AMOTL1: variants seen among roughly 807,000 people sequenced by gnomAD.
The protein encoded by AMOTL1 is angiomotin like 1.
In AMOTL1, 45 loss-of-function variants were observed where a neutral mutation model predicts 102.9. That is an observed-to-expected ratio of 0.44 (90% confidence interval 0.34 to 0.56). The LOEUF (loss-of-function observed/expected upper bound fraction) is 0.56. Among genes scored for constraint, AMOTL1 ranks in the 20% least tolerant of loss-of-function variants. The pLI, the probability that AMOTL1 is intolerant of heterozygous loss-of-function variation, is 0.01. For missense variants in AMOTL1, 1,114 were observed against 1,225.6 expected (o/e 0.91, Z 1.36); for synonymous variants, 481 against 484.7 (o/e 0.99, Z 0.10).
intron 3 of AMOTL1, among the ~76,000 whole-genome samples, chr11:94,756,092 G>A (rs928369865): frequency 2.0e-5 from 3 of 150,562 alleles, no homozygotes; most frequent in Non-Finnish European, 3.0e-5. Flanking sequence ...ACTCTCCTCT[G>A]ACTGCCCCCA....
intron 3 of AMOTL1, among the ~76,000 whole-genome samples, chr11:94,746,210 G>A (rs1057335274): frequency 3.3e-5 from 5 of 152,156 alleles, no homozygotes; most frequent in African/African-American, 4.8e-5. Context: ...TGTCATGATG[G>A]AGTGTCAAGA....
chr11:94,799,628 A>G lies in AMOTL1; in HGVS notation c.438A>G (p.Gln146=). The G allele has an allele frequency of 6.2e-7, 1 of 1,613,990 alleles. No individual in the cohort carries two copies. Among genetic ancestry groups the G allele is most frequent in the Non-Finnish European group, 8.5e-7 (1 of 1,179,886 alleles). Residue 146 remains glutamine (Q), a synonymous_variant, in exon 3 of 13, where the codon CAA becomes CAG. Transcript: ENST00000433060. The surrounding 1 kb of genome is among the most constrained non-coding windows in gnomAD (Gnocchi z 4.5). ...TTTCTTCCACGGAAAACCTCACTCA[A>G]GAAGACCCACAAATGGTCTACCAGT... ...NNFSSTENLT[Q]EDPQMVYQSA...
chr11:94,804,735 A>G (rs1168636429), intron 3 of AMOTL1, among the ~76,000 whole-genome samples: 1 of 152,208 alleles, frequency 6.6e-6, no homozygotes, highest in Non-Finnish European at 1.5e-5. Flanking sequence ...ATATATTATA[A>G]TGGACTCAGC....
upstream of AMOTL1, among the ~76,000 whole-genome samples, chr11:94,767,433 A>C (rs1476693818): frequency 6.6e-6 from 1 of 152,130 alleles, no homozygotes; most frequent in African/African-American, 2.4e-5. Flanking sequence ...TCCAGGGAGG[A>C]GTCCCTGAAG....
intron 10 of AMOTL1, 44 bp from the exon 11 acceptor site, chr11:94,865,898 A>G: frequency 1.3e-6 from 2 of 1,548,828 alleles, no homozygotes; most frequent in Non-Finnish European, 1.8e-6. Context: ...AAGTTTTTCT[A>G]GCCAAGTGGC....
At chr11:94,743,763 A>G (rs1261940348) in intron 3 of AMOTL1, among the ~76,000 whole-genome samples, 1 of 139,472 alleles carries the variant, frequency 7.2e-6, no homozygotes, top group African/African-American at 2.7e-5. Flanking sequence ...GGTTCAACCT[A>G]TTCTCCTGCC....
chr11:94,716,117 TC>T (rs1950092035), intron 1 of AMOTL1, among the ~76,000 whole-genome samples: 1 of 152,164 alleles, frequency 6.6e-6, no homozygotes, highest in African/African-American at 2.4e-5. Flanking sequence ...TTCTGTCTTA[TC>T]ATCATCACTC....
intron 4 of AMOTL1, among the ~76,000 whole-genome samples, chr11:94,822,642 G>T (rs1951887579): frequency 6.6e-6 from 1 of 152,178 alleles, no homozygotes; most frequent in African/African-American, 2.4e-5. Flanking sequence ...GGGAGATGCT[G>T]AGTAATTCCA....
chr11:94,776,083 C>CA (rs2135524517), intron 1 of AMOTL1, among the ~76,000 whole-genome samples: 1 of 152,324 alleles, frequency 6.6e-6, no homozygotes, highest in Admixed American at 6.5e-5. Context: ...AGAGGACCAT[C>CA]AAAGGTCATC....
intron 6 of AMOTL1, among the ~76,000 whole-genome samples, chr11:94,840,681 T>TATAC (rs1166713705): frequency 4.4e-4 from 46 of 104,784 alleles, no homozygotes; most frequent in African/African-American, 8.9e-4. Flanking sequence ...TATATATATA[T>TATAC]ACACACACAC....
chr11:94,752,721 G>C (rs1415752643), intron 3 of AMOTL1, among the ~76,000 whole-genome samples: 1 of 152,172 alleles, frequency 6.6e-6, no homozygotes, highest in Non-Finnish European at 1.5e-5. Flanking sequence ...ACTGCTTTCA[G>C]GTTGCTGTCT....
rs149536640 is a variant in AMOTL1 at position 94,719,492 on chromosome 11, C to G, written c.-50-9429C>G. On this transcript the variant is annotated intron_variant, in intron 1 of 4. Coordinates refer to the AMOTL1 transcript ENST00000299004. ...CATGTTACAAAATTAGACTTGTGCC[C>G]CATAGATTTATACAAAAAGAAATTC... is the stretch of plus-strand genomic sequence containing the variant. Among the ~76,000 whole-genome samples, 438 of 151,658 alleles carry G rather than the reference C, an allele frequency of 2.9e-3. 1 individual carries two copies. The highest frequency in any genetic ancestry group is 0.01 in the African/African-American group (421 of 41,372).
intron 3 of AMOTL1, among the ~76,000 whole-genome samples, chr11:94,815,518 TATC>T (rs1951750359): frequency 6.6e-6 from 1 of 152,128 alleles, no homozygotes; most frequent in South Asian, 2.1e-4. Context: ...TAAATAAACT[TATC>T]ATATAATTTA....
chr11:94,768,630 C>G (rs749174069), intron 1 of AMOTL1, 70 bp downstream of exon 1: 1 of 1,547,702 alleles, frequency 6.5e-7, no homozygotes, highest in Non-Finnish European at 8.7e-7. Flanking sequence ...CCAGTCGCCC[C>G]GGGCTCCCCG....
chr11:94,842,452 A>C (rs775830959), intron 6 of AMOTL1, among the ~76,000 whole-genome samples: 7 of 152,230 alleles, frequency 4.6e-5, no homozygotes, highest in Non-Finnish European at 8.8e-5. Context: ...TATAGCCTTT[A>C]GGGTGGGCCT....
chr11:94,864,861 G>C lies in AMOTL1; in HGVS notation c.2261+1G>C. ...GAAGGTGTCAGGACATGGAATACAC[G>C]TAAGGGACGACTATGTGTGACGTGT... On this transcript the variant is annotated splice_donor_variant, in intron 10 of 12. Transcript: ENST00000433060. LOFTEE classifies it high-confidence loss of function. 3.7e-6 allele frequency: 6 copies of C among 1,612,742 alleles called. No homozygotes were observed. Among genetic ancestry groups the C allele is most frequent in the Non-Finnish European group, 5.1e-6 (6 of 1,179,152 alleles).
chr11:94,820,114 A>G (rs1951836969), intron 3 of AMOTL1, among the ~76,000 whole-genome samples: 1 of 152,202 alleles, frequency 6.6e-6, no homozygotes, highest in Non-Finnish European at 1.5e-5. Flanking sequence ...CCACTTCATT[A>G]AATGGTGCCC....
intron 2 of AMOTL1, among the ~76,000 whole-genome samples, chr11:94,798,345 C>T (rs571349276): frequency 5.3e-5 from 8 of 151,974 alleles, no homozygotes; most frequent in South Asian, 2.1e-4. Context: ...GAGATTGGCA[C>T]GGGAATAAGA....
chr11:94,787,687 C>CAAAAAAAAAAAAA (rs59563004), intron 1 of AMOTL1, among the ~76,000 whole-genome samples: 1 of 57,528 alleles, frequency 1.7e-5, no homozygotes, highest in African/African-American at 8.1e-5. Flanking sequence ...AACTCCGTCT[C>CAAAAAAAAAAAAA]AAAAAAAAAA....
Sources: allele counts gnomAD v4.1 joint callset (sites outside exome capture counted in the v4.1 genomes callset), GRCh38; gene constraint gnomAD v4.1.1; non-coding constraint Gnocchi (gnomAD v3.1); transcripts MANE v1.5; gene names NCBI Gene and HGNC (gene_info 2026-07-23, HGNC 2026-07-21).